The following GCNT2 variants were observed in gnomAD, a reference collection of about 807,000 sequenced individuals.
The protein encoded by GCNT2 is N-acetyllactosaminide beta-1,6-N-acetylglucosaminyl-transferase.
GCNT2 carries 34 observed loss-of-function variants against 34.2 expected under a neutral mutation model. The ratio of observed to expected loss-of-function variants is 1.00; its 90% CI spans 0.76 to 1.32. The LOEUF (loss-of-function observed/expected upper bound fraction) is 1.32, where lower values mean the gene tolerates loss of function less well. GCNT2 is among the 40% of genes most tolerant of loss of function. The probability of loss-of-function intolerance (pLI) is 0.00; values close to 1 mark genes in which losing one functional copy is unlikely to be tolerated. For missense variants in GCNT2, 584 were observed against 489.4 expected (o/e 1.19, Z -1.82); for synonymous variants, 212 against 188.0 (o/e 1.13, Z -1.04).
chr6:10,596,628 C>T (rs751238937), intron 3 of GCNT2, among the ~76,000 whole-genome samples: 1 of 151,750 alleles, frequency 6.6e-6, no homozygotes, highest in Non-Finnish European at 1.5e-5. Flanking sequence ...ACACTGGTAT[C>T]CCACTGTATG....
chr6:10,616,685 T>G (rs1156626740), intron 3 of GCNT2, among the ~76,000 whole-genome samples: 1 of 152,214 alleles, frequency 6.6e-6, no homozygotes, highest in East Asian at 1.9e-4. Context: ...ATTGGTGCAC[T>G]CACAAACCCT....
Position 10,627,130 on chromosome 6 carries a change from G to C in GCNT2, c.*523G>C, listed in dbSNP as rs1160413450. The C allele has an allele frequency of 6.2e-6, 1 of 160,130 alleles. No homozygotes were observed. The highest frequency in any genetic ancestry group is 1.4e-5 in the Non-Finnish European group (1 of 72,190). 9.9% of individuals were successfully genotyped at this position (160,130 alleles called of 1,614,324 possible). ...TGAATGGAGAATACATCTTGTTTCT[G>C]AGTTTCAACACTAGCATTTTTGGCT... On this transcript the variant is annotated 3_prime_UTR_variant, in exon 5 of 5. Coordinates refer to ENST00000495262, the MANE Select transcript of GCNT2 (RefSeq NM_145649.5).
chr6:10,552,349 TAC>T (rs1762522137), intron 3 of GCNT2, among the ~76,000 whole-genome samples: 2 of 151,946 alleles, frequency 1.3e-5, no homozygotes, highest in African/African-American at 4.8e-5. Context: ...AGAGCAGAAT[TAC>T]AGTCAGCACT....
At chr6:10,604,808 G>GTGA (rs1765237732) in intron 3 of GCNT2, among the ~76,000 whole-genome samples, 1 of 151,346 alleles carries the variant, frequency 6.6e-6, no homozygotes, top group African/African-American at 2.4e-5. Context: ...GTGGTGACCT[G>GTGA]TGATTGCACC....
intron 3 of GCNT2, among the ~76,000 whole-genome samples, chr6:10,578,323 GTGAGCCGAGAT>G (rs1763912155): frequency 6.7e-6 from 1 of 149,784 alleles, no homozygotes; most frequent in Non-Finnish European, 1.5e-5. Context: ...GAAGGTTGCA[GTGAGCCGAGAT>G]TGAGCCACTG....
intron 3 of GCNT2, among the ~76,000 whole-genome samples, chr6:10,607,269 G>A (rs1282676794): frequency 1.3e-5 from 2 of 152,060 alleles, no homozygotes; most frequent in South Asian, 2.1e-4. Flanking sequence ...GCAAAATCCT[G>A]GCATCTGCTC....
At chr6:10,605,781 C>A (rs983465813) in intron 3 of GCNT2, among the ~76,000 whole-genome samples, 3 of 152,108 alleles carry the variant, frequency 2.0e-5, no homozygotes, top group African/African-American at 7.2e-5. Flanking sequence ...AAAAAAAAAT[C>A]AGTTAAGATT....
At chr6:10,541,182 A>G (rs1232323755) in intron 3 of GCNT2, among the ~76,000 whole-genome samples, 1 of 151,444 alleles carries the variant, frequency 6.6e-6, no homozygotes, top group Non-Finnish European at 1.5e-5. Context: ...AACGCCCCCC[A>G]CCAGCCCCAG....
intron 3 of GCNT2, among the ~76,000 whole-genome samples, chr6:10,585,032 AGTGT>A (rs57538079): frequency 0.14 from 17,448 of 127,066 alleles, 1,017 homozygotes; most frequent in East Asian, 0.2. Context: ...TCCCATAGTC[AGTGT>A]GTGTGTGTGT....
chr6:10,536,666 C>T (rs1352234512), intron 3 of GCNT2, among the ~76,000 whole-genome samples: 1 of 148,974 alleles, frequency 6.7e-6, no homozygotes, highest in Non-Finnish European at 1.5e-5. Flanking sequence ...TTGTCAACTT[C>T]TAGAAAAGGA....
At chr6:10,592,171 T>G (rs1027067584) in intron 3 of GCNT2, among the ~76,000 whole-genome samples, 2 of 152,234 alleles carry the variant, frequency 1.3e-5, no homozygotes, top group African/African-American at 4.8e-5. Context: ...GACATTTGTC[T>G]TGTCAATATG....
intron 3 of GCNT2, among the ~76,000 whole-genome samples, chr6:10,611,111 G>A (rs1765530299): frequency 6.6e-6 from 1 of 152,010 alleles, no homozygotes. Flanking sequence ...TAGGCCAAAT[G>A]TGATGGCTCA....
chr6:10,572,918 C>T (rs1763616395), intron 3 of GCNT2, among the ~76,000 whole-genome samples: 1 of 152,068 alleles, frequency 6.6e-6, no homozygotes, highest in Non-Finnish European at 1.5e-5. Context: ...GCAGAAGAAA[C>T]GTCTGCTTTT....
At chr6:10,578,603 C>T (rs1763931326) in intron 3 of GCNT2, among the ~76,000 whole-genome samples, 1 of 151,652 alleles carries the variant, frequency 6.6e-6, no homozygotes, top group Non-Finnish European at 1.5e-5. Flanking sequence ...CGCGCCACCT[C>T]GCCTGGCCAA....
intron 3 of GCNT2, among the ~76,000 whole-genome samples, chr6:10,583,197 A>G (rs949982862): frequency 6.6e-6 from 1 of 152,228 alleles, no homozygotes; most frequent in African/African-American, 2.4e-5. Flanking sequence ...AGCTCACCAA[A>G]TTAATATCCA....
chr6:10,599,536 C>T (rs971103189), intron 3 of GCNT2, among the ~76,000 whole-genome samples: 3 of 152,084 alleles, frequency 2.0e-5, no homozygotes, highest in Non-Finnish European at 2.9e-5. Context: ...GACAGTGTGC[C>T]GTATGAATTA....
chr6:10,578,313 G>A (rs1386167302), intron 3 of GCNT2, among the ~76,000 whole-genome samples: 1 of 150,470 alleles, frequency 6.6e-6, no homozygotes, highest in African/African-American at 2.4e-5. Flanking sequence ...TCCAGGAGGC[G>A]AAGGTTGCAG....
At chr6:10,533,984 G>A (rs879776070) in intron 3 of GCNT2, among the ~76,000 whole-genome samples, 7 of 150,898 alleles carry the variant, frequency 4.6e-5, no homozygotes, top group Non-Finnish European at 8.9e-5. Flanking sequence ...TCCTCATGTC[G>A]CAGAGTCTCC....
chr6:10,534,248 TCTC>T (rs1290341970), intron 3 of GCNT2, among the ~76,000 whole-genome samples: 2 of 151,010 alleles, frequency 1.3e-5, no homozygotes, highest in Non-Finnish European at 2.9e-5. Flanking sequence ...TTCAAGCAAT[TCTC>T]CTGTCTCAGC....
Sources: gnomAD v4.1 joint callset for allele counts (sites outside exome capture counted in the v4.1 genomes callset) on GRCh38, gnomAD v4.1.1 for gene constraint, MANE v1.5 for transcripts, NCBI Gene and HGNC (gene_info 2026-07-23, HGNC 2026-07-21) for gene names.